PHF20: variants seen among roughly 807,000 people sequenced by gnomAD.
The protein encoded by PHF20 is glioma-expressed antigen 2.
In PHF20, 23 loss-of-function variants were observed where a neutral mutation model predicts 113.5. The observed-to-expected ratio is 0.20, with a 90% CI of 0.15 to 0.29. The LOEUF (loss-of-function observed/expected upper bound fraction) is 0.29. PHF20 is among the 10% of genes least tolerant of loss of function. PHF20 has a pLI of 1.00. For missense variants in PHF20, 943 were observed against 1,219.6 expected, an observed-to-expected ratio of 0.77 and a Z score of 3.38; for synonymous variants, 434 against 457.3, an observed-to-expected ratio of 0.95 and a Z score of 0.65.
intron 13 of PHF20, among the ~76,000 whole-genome samples, chr20:35,926,520 T>A (rs535215823): frequency 6.6e-6 from 1 of 152,202 alleles, no homozygotes; most frequent in African/African-American, 2.4e-5. Flanking sequence ...ATTACAAGCG[T>A]GAGCCACCGC....
intron 13 of PHF20, among the ~76,000 whole-genome samples, chr20:35,926,453 A>G (rs1004107066): frequency 2.6e-5 from 4 of 151,706 alleles, no homozygotes; most frequent in Non-Finnish European, 5.9e-5. Context: ...GTTAGCCAGG[A>G]TGGTCTCGAT....
At chr20:35,787,458 C>T (rs1280694762) in intron 1 of PHF20, among the ~76,000 whole-genome samples, 1 of 151,754 alleles carries the variant, frequency 6.6e-6, no homozygotes, top group Admixed American at 6.6e-5. Context: ...GGATTACAGG[C>T]GTGAGCCACC....
chr20:35,931,865 C>T (rs975175156), intron 15 of PHF20, among the ~76,000 whole-genome samples: 7 of 151,760 alleles, frequency 4.6e-5, no homozygotes, highest in African/African-American at 1.4e-4. Context: ...GCGGGAGCAT[C>T]GCTTGAACCC....
At chr20:35,828,063 G>A (rs973649588) in intron 2 of PHF20, among the ~76,000 whole-genome samples, 3 of 151,910 alleles carry the variant, frequency 2.0e-5, no homozygotes, top group African/African-American at 7.3e-5. Flanking sequence ...CGCTCTTGTT[G>A]CCCAGGCTGG....
intron 2 of PHF20, among the ~76,000 whole-genome samples, chr20:35,804,738 C>T (rs764710999): frequency 1.1e-4 from 16 of 151,830 alleles, no homozygotes; most frequent in Admixed American, 2.6e-4. Context: ...CAGTTTTTCA[C>T]CTGAGACACA....
intron 9 of PHF20, among the ~76,000 whole-genome samples, chr20:35,888,180 C>T (rs1290336271): frequency 2.0e-5 from 3 of 152,064 alleles, no homozygotes; most frequent in Non-Finnish European, 2.9e-5. Context: ...GGGGTTTCTC[C>T]ATGTTGGTCA....
At chr20:35,827,507 G>A (rs757773959) in intron 2 of PHF20, among the ~76,000 whole-genome samples, 8 of 152,178 alleles carry the variant, frequency 5.3e-5, no homozygotes, top group African/African-American at 9.6e-5. Context: ...GCTCATAGCC[G>A]GGTGCGGTGG....
intron 5 of PHF20, among the ~76,000 whole-genome samples, chr20:35,858,761 CG>C (rs11301142): frequency 0.1 from 15,237 of 152,094 alleles, 812 homozygotes; most frequent in South Asian, 0.16. Flanking sequence ...TTAGTAGAGA[CG>C]GGGTTTCACC....
At chr20:35,932,000 G>A (rs2055765488) in intron 15 of PHF20, among the ~76,000 whole-genome samples, 1 of 151,390 alleles carries the variant, frequency 6.6e-6, no homozygotes, top group Non-Finnish European at 1.5e-5. Flanking sequence ...CAGCCGTGAA[G>A]CCACCACCAG....
intron 17 of PHF20, among the ~76,000 whole-genome samples, chr20:35,947,129 T>G (rs550516947): frequency 1.3e-4 from 20 of 152,324 alleles, no homozygotes; most frequent in South Asian, 8.3e-4. Flanking sequence ...TGAATAAAAT[T>G]TAAAATTCAG....
At chr20:35,933,700 T>G (rs1462344439) in intron 15 of PHF20, among the ~76,000 whole-genome samples, 4 of 152,124 alleles carry the variant, frequency 2.6e-5, no homozygotes, top group Non-Finnish European at 4.4e-5. Context: ...CCTGGCCTAA[T>G]TTTTGTATTT....
chr20:35,803,261 A>G (rs1476846217), intron 2 of PHF20, among the ~76,000 whole-genome samples: 1 of 151,356 alleles, frequency 6.6e-6, no homozygotes, highest in African/African-American at 2.4e-5. Flanking sequence ...CGGAAAAAAA[A>G]AAAAAAGAAA....
chr20:35,925,152 G>A (rs1164255138), intron 13 of PHF20, among the ~76,000 whole-genome samples: 1 of 151,228 alleles, frequency 6.6e-6, no homozygotes, highest in Non-Finnish European at 1.5e-5. Context: ...TAAAATATCT[G>A]GTATGGCTAG....
chr20:35,885,642 G>A (rs759913449), intron 9 of PHF20, among the ~76,000 whole-genome samples: 2 of 151,614 alleles, frequency 1.3e-5, no homozygotes, highest in Admixed American at 6.6e-5. Context: ...GAAATACCAC[G>A]TAAGTGATGT....
chr20:35,811,043 T>C (rs2041968203), intron 2 of PHF20, among the ~76,000 whole-genome samples: 1 of 151,350 alleles, frequency 6.6e-6, no homozygotes, highest in Non-Finnish European at 1.5e-5. Context: ...TAGGTTCCAC[T>C]TTTTTTTTAT....
intron 4 of PHF20, among the ~76,000 whole-genome samples, chr20:35,848,196 T>C (rs1423345412): frequency 6.6e-6 from 1 of 152,194 alleles, no homozygotes; most frequent in Non-Finnish European, 1.5e-5. Context: ...GATGAAGTTA[T>C]TCAGATATTT....
At chr20:35,901,747 G>A (rs7272202) in intron 10 of PHF20, among the ~76,000 whole-genome samples, 10,418 of 152,154 alleles carry the variant, frequency 0.068, 610 homozygotes, top group African/African-American at 0.16. Flanking sequence ...TAAGAGTACA[G>A]ACCTGATTAT....
chr20:35,838,770 T>C (rs921907367), intron 2 of PHF20, among the ~76,000 whole-genome samples: 2 of 151,586 alleles, frequency 1.3e-5, no homozygotes, highest in Admixed American at 6.6e-5. Flanking sequence ...AGGAGGATAC[T>C]TGAGCCCAGG....
intron 1 of PHF20, among the ~76,000 whole-genome samples, chr20:35,794,090 C>T (rs1161574917): frequency 6.7e-6 from 1 of 149,984 alleles, no homozygotes; most frequent in Non-Finnish European, 1.5e-5. Flanking sequence ...CGCCTGAGGT[C>T]AGGAGTTCGA....
Sources: gnomAD v4.1 joint callset for allele counts (sites outside exome capture counted in the v4.1 genomes callset) on GRCh38, gnomAD v4.1.1 for gene constraint, MANE v1.5 for transcripts, NCBI Gene and HGNC (gene_info 2026-07-23, HGNC 2026-07-21) for gene names.